Variants in GABRA1 observed in about 807,000 individuals in gnomAD.
The protein encoded by GABRA1 is gamma-aminobutyric acid type A receptor subunit alpha1.
GABRA1 carries 9 observed loss-of-function variants against 48.9 expected under a neutral mutation model. The ratio of observed to expected loss-of-function variants is 0.18; its 90% CI spans 0.11 to 0.32. The LOEUF is 0.32. GABRA1 is among the 10% of genes least tolerant of loss of function. The pLI, the probability that GABRA1 is intolerant of heterozygous loss-of-function variation, is 1.00. For synonymous variants in GABRA1, 210 were observed against 198.7 expected (o/e 1.06, Z -0.48); for missense variants, 285 against 553.8 (o/e 0.51, Z 4.87).
At chr5:161,883,633 C>T (rs1754712978) in intron 7 of GABRA1, among the ~76,000 whole-genome samples, 1 of 152,046 alleles carries the variant, frequency 6.6e-6, no homozygotes, top group Non-Finnish European at 1.5e-5. Context: ...TTTAAGTTGA[C>T]TTTATTCACT....
intron 7 of GABRA1, among the ~76,000 whole-genome samples, chr5:161,886,736 CA>C (rs2113430629): frequency 6.6e-6 from 1 of 152,154 alleles, no homozygotes; most frequent in East Asian, 1.9e-4. Context: ...GAGACTACAC[CA>C]CTGCACTCCA....
At chr5:161,887,021 G>C (rs563252259) in intron 7 of GABRA1, among the ~76,000 whole-genome samples, 20 of 152,206 alleles carry the variant, frequency 1.3e-4, no homozygotes, top group Admixed American at 1.1e-3. Flanking sequence ...TAATGAAATT[G>C]ATCACGAAGC....
intron 2 of GABRA1, among the ~76,000 whole-genome samples, chr5:161,853,267 C>T (rs184171276): frequency 8.6e-5 from 13 of 151,690 alleles, no homozygotes; most frequent in African/African-American, 3.1e-4. Context: ...GTGGTCGAAA[C>T]ACAAAGACTA....
intron 7 of GABRA1, among the ~76,000 whole-genome samples, chr5:161,890,182 C>T (rs1415088335): frequency 6.6e-6 from 1 of 151,968 alleles, no homozygotes; most frequent in Non-Finnish European, 1.5e-5. Flanking sequence ...CCTAACTAGA[C>T]CACTGTTTCC....
intron 7 of GABRA1, among the ~76,000 whole-genome samples, chr5:161,887,868 G>C (rs1419476405): frequency 6.6e-6 from 1 of 152,074 alleles, no homozygotes; most frequent in Non-Finnish European, 1.5e-5. Context: ...CATCCTCCTA[G>C]GAGACAGTTA....
intron 8 of GABRA1, 104 bp downstream of exon 8, chr5:161,891,154 A>G: frequency 9.3e-7 from 1 of 1,076,796 alleles, no homozygotes; most frequent in Non-Finnish European, 1.4e-6. Flanking sequence ...ACACTCAAAT[A>G]TTAAGTTCAT....
intron 3 of GABRA1, among the ~76,000 whole-genome samples, chr5:161,860,428 G>C (rs1489348261): frequency 6.7e-6 from 1 of 150,110 alleles, no homozygotes. Context: ...TTAAAAATCA[G>C]AGAAATTAAA....
intron 4 of GABRA1, among the ~76,000 whole-genome samples, chr5:161,872,483 C>T (rs1754162512): frequency 6.6e-6 from 1 of 151,886 alleles, no homozygotes; most frequent in African/African-American, 2.4e-5. Flanking sequence ...TGTTCTTTTT[C>T]TTTTTGAAAA....
At position 161,898,151 on chromosome 5, in the gene GABRA1, A is replaced by T. The variant is rs574956160; in HGVS notation, c.*729A>T. On this transcript the variant is annotated 3_prime_UTR_variant, in exon 10 of 10. Transcript: ENST00000393943. ...CTTCACTTTCATCTGAGCTTTTACCACTAGACTCAAGGAAGAATAATTTTA... is the reference window on the plus strand; with the variant it reads ...CTTCACTTTCATCTGAGCTTTTACCTCTAGACTCAAGGAAGAATAATTTTA... 3 of 152,562 alleles carry T rather than the reference A, an allele frequency of 2.0e-5. No individual in the cohort carries two copies. The highest frequency in any genetic ancestry group is 4.8e-5 in the African/African-American group (2 of 41,594). 9.5% of individuals were successfully genotyped at this position (152,562 alleles called of 1,614,324 possible).
rs1755471389 is a variant in GABRA1 at position 161,898,430 on chromosome 5, T to C, written c.*1008T>C. 1 of 152,592 alleles carries C rather than the reference T, an allele frequency of 6.6e-6. No homozygotes were observed. 9.5% of individuals were successfully genotyped at this position (152,592 alleles called of 1,614,324 possible). On this transcript the variant is annotated 3_prime_UTR_variant, in exon 10 of 10. Coordinates refer to ENST00000393943, the MANE Select transcript of GABRA1 (RefSeq NM_001127644.2). ...AATATATAAACGATATATGTAAATA[T>C]ACAGCATGAGATTGTACATTTTTTA...
intron 7 of GABRA1, among the ~76,000 whole-genome samples, chr5:161,886,435 G>C (rs1478772624): frequency 6.6e-6 from 1 of 151,788 alleles, no homozygotes; most frequent in Non-Finnish European, 1.5e-5. Flanking sequence ...AGAGTATCTG[G>C]TTTGTAAAAT....
intron 8 of GABRA1, among the ~76,000 whole-genome samples, chr5:161,893,404 A>C (rs1421409208): frequency 6.6e-6 from 1 of 152,094 alleles, no homozygotes; most frequent in Admixed American, 6.5e-5. Flanking sequence ...TTTAACATTT[A>C]TTTTGTACAC....
intron 6 of GABRA1, chr5:161,881,639 C>T (rs7701394): frequency 0.37 from 56,573 of 151,876 alleles, 10,848 homozygotes; most frequent in East Asian, 0.54. Context: ...TCATGACCTT[C>T]GCATTTAACA....
intron 8 of GABRA1, among the ~76,000 whole-genome samples, chr5:161,893,165 A>G (rs1581217838): frequency 6.6e-6 from 1 of 151,920 alleles, no homozygotes; most frequent in South Asian, 2.1e-4. Flanking sequence ...AACGAATTCT[A>G]CTCTTTTGAT....
chr5:161,872,102 T>A (rs977889436), intron 4 of GABRA1: 1 of 152,630 alleles, frequency 6.6e-6, no homozygotes, highest in Non-Finnish European at 1.5e-5. Context: ...CTTAAAGGAT[T>A]AGGAAAATGT....
intron 1 of GABRA1, chr5:161,850,404 C>T (rs1392442178): frequency 7.2e-6 from 3 of 414,366 alleles, no homozygotes; most frequent in Non-Finnish European, 8.5e-6. Context: ...AATTTTAATG[C>T]ACAGTTCACT....
At chr5:161,875,702 T>TTA in intron 6 of GABRA1, 60 bp downstream of exon 6, 1 of 1,260,574 alleles carries the variant, frequency 7.9e-7, no homozygotes, top group Non-Finnish European at 1.2e-6. Flanking sequence ...GATCTCTAGC[T>TTA]ATATCTGTGA....
chr5:161,870,256 C>G lies in GABRA1; in HGVS notation c.256-2861C>G, dbSNP rs1754046857. ...TTCTGCTGCTCGCCTCTCTCTTTTT[C>G]TAGCTTCCTTAAGAAGGGGCTTTGG... On this transcript the variant is annotated intron_variant, in intron 4 of 9. Coordinates refer to ENST00000393943, the MANE Select transcript of GABRA1 (RefSeq NM_001127644.2). 4.6e-5 allele frequency among the ~76,000 whole-genome samples: 7 copies of G among 152,204 alleles called. No individual in the cohort carries two copies. The South Asian group carries it at 1.5e-3, about 32-fold the overall frequency.
chr5:161,864,199 T>A (rs1056503136), intron 3 of GABRA1, among the ~76,000 whole-genome samples: 15 of 151,486 alleles, frequency 9.9e-5, no homozygotes, highest in Non-Finnish European at 1.9e-4. Flanking sequence ...AGTAAATTAA[T>A]TTTTTTTTCT....
Sources: gnomAD v4.1 joint callset for allele counts (sites outside exome capture counted in the v4.1 genomes callset) on GRCh38, gnomAD v4.1.1 for gene constraint, MANE v1.5 for transcripts, NCBI Gene and HGNC (gene_info 2026-07-23, HGNC 2026-07-21) for gene names.